The following PRKN variants were observed in gnomAD, a reference collection of about 807,000 sequenced individuals.
PRKN encodes the protein E3 ubiquitin-protein ligase parkin.
In PRKN, 56 loss-of-function variants were observed where a neutral mutation model predicts 59.5. The ratio of observed to expected loss-of-function variants is 0.94; its 90% CI spans 0.76 to 1.18. The LOEUF (loss-of-function observed/expected upper bound fraction) is 1.18, where lower values mean the gene tolerates loss of function less well. Among genes scored for constraint, PRKN ranks in the 50% most tolerant of loss-of-function variants. The pLI, the probability that PRKN is intolerant of heterozygous loss-of-function variation, is 0.00. For missense variants in PRKN, 657 were observed against 596.4 expected, an observed-to-expected ratio of 1.10 and a Z score of -1.06; for synonymous variants, 250 against 222.1, an observed-to-expected ratio of 1.13 and a Z score of -1.12.
chr6:161,477,923 C>T (rs889979434), intron 9 of PRKN, among the ~76,000 whole-genome samples: 1 of 152,086 alleles, frequency 6.6e-6, no homozygotes, highest in African/African-American at 2.4e-5. Flanking sequence ...CAGGAAAGAG[C>T]GGCATGAAAA....
At chr6:161,995,830 G>T (rs1039508022) in intron 5 of PRKN, among the ~76,000 whole-genome samples, 2 of 152,036 alleles carry the variant, frequency 1.3e-5, no homozygotes, top group African/African-American at 4.8e-5. Flanking sequence ...AGCCATTCTG[G>T]AAAACAGTAT....
chr6:162,504,889 T>C (rs1793537609), intron 1 of PRKN, among the ~76,000 whole-genome samples: 1 of 152,070 alleles, frequency 6.6e-6, no homozygotes, highest in Non-Finnish European at 1.5e-5. Context: ...AAGACAGAAC[T>C]AGGCAGGGCA....
intron 1 of PRKN, among the ~76,000 whole-genome samples, chr6:162,675,221 T>C (rs1207251813): frequency 6.6e-6 from 1 of 151,978 alleles, no homozygotes; most frequent in African/African-American, 2.4e-5. Flanking sequence ...GGCTAATTTT[T>C]GTATTTTTAG....
At chr6:162,595,609 T>C (rs1781471109) in intron 1 of PRKN, among the ~76,000 whole-genome samples, 1 of 152,176 alleles carries the variant, frequency 6.6e-6, no homozygotes, top group African/African-American at 2.4e-5. Flanking sequence ...ATTGTTTTTT[T>C]TTAAATATCT....
Position 162,558,223 on chromosome 6 carries a change from A to T in PRKN, c.8-114750T>A, listed in dbSNP as rs567997672. Among the ~76,000 whole-genome samples the T allele has an allele frequency of 9.8e-5, 15 of 152,318 alleles. No homozygotes were observed. The South Asian group carries it at 3.1e-3, about 32-fold the overall frequency. The stretch of plus-strand genomic sequence containing the variant: ...AAGTATATTATCAGGAATCTCAAAG[A>T]AAGTGGCATTCATGTTATAGCCTTC... On this transcript the variant is annotated intron_variant, in intron 1 of 11. Coordinates refer to ENST00000366898, the MANE Select transcript of PRKN (RefSeq NM_004562.3).
chr6:161,985,666 C>T (rs187428723), intron 5 of PRKN, among the ~76,000 whole-genome samples: 6 of 152,264 alleles, frequency 3.9e-5, no homozygotes, highest in South Asian at 2.1e-4. Flanking sequence ...ACAATGTAGA[C>T]GAGCTATGTA....
At chr6:162,073,796 A>G (rs1421311162) in intron 4 of PRKN, among the ~76,000 whole-genome samples, 2 of 152,200 alleles carry the variant, frequency 1.3e-5, no homozygotes, top group African/African-American at 4.8e-5. Flanking sequence ...TTCACTTCCA[A>G]TACAAAAACG....
intron 2 of PRKN, among the ~76,000 whole-genome samples, chr6:162,398,670 G>A (rs1254283572): frequency 3.3e-5 from 5 of 152,230 alleles, no homozygotes; most frequent in East Asian, 1.9e-4. Context: ...GATTACAGGC[G>A]TGAGGCACTC....
intron 1 of PRKN, among the ~76,000 whole-genome samples, chr6:162,506,493 C>T: frequency 6.6e-6 from 1 of 152,054 alleles, no homozygotes; most frequent in Non-Finnish European, 1.5e-5. Context: ...AAGTCTATTT[C>T]ATTATTTGAA....
In PRKN at chr6:162,650,398, C is replaced by A. The variant is rs1778374710; in HGVS notation, c.7+77264G>T. On this transcript the variant is annotated intron_variant, in intron 1 of 11. Coordinates refer to ENST00000366898, the MANE Select transcript of PRKN (RefSeq NM_004562.3). ...GGATCACGAGGTCAGGAGATCGAGA[C>A]CATCCCGGCTAAAAACGGTGAAACC... 2.0e-5 allele frequency among the ~76,000 whole-genome samples: 3 copies of A among 151,680 alleles called. No individual in the cohort carries two copies. In the South Asian group the frequency reaches 6.2e-4, roughly 32 times the overall value.
At chr6:161,669,193 C>T (rs1005801289) in intron 7 of PRKN, among the ~76,000 whole-genome samples, 3 of 152,206 alleles carry the variant, frequency 2.0e-5, no homozygotes, top group African/African-American at 7.2e-5. Flanking sequence ...AATCTGCCAG[C>T]GTCTTGATCT....
At chr6:162,197,365 C>T (rs1367874269) in intron 4 of PRKN, among the ~76,000 whole-genome samples, 1 of 152,056 alleles carries the variant, frequency 6.6e-6, no homozygotes, top group African/African-American at 2.4e-5. Context: ...CTGATCTTCT[C>T]CTATGGACTA....
intron 6 of PRKN, among the ~76,000 whole-genome samples, chr6:161,827,509 C>CTTTT (rs5881438): frequency 5.6e-5 from 7 of 124,926 alleles, no homozygotes; most frequent in South Asian, 2.5e-4. Context: ...ATTGATTTTA[C>CTTTT]TTTTTTTTTT....
At chr6:161,563,052 C>T (rs1173021011) in intron 8 of PRKN, among the ~76,000 whole-genome samples, 1 of 152,052 alleles carries the variant, frequency 6.6e-6, no homozygotes, top group African/African-American at 2.4e-5. Context: ...CTCTTCACCT[C>T]CTTGGGGGCA....
chr6:162,462,074 G>A (rs1791204737), intron 1 of PRKN, among the ~76,000 whole-genome samples: 1 of 152,176 alleles, frequency 6.6e-6, no homozygotes, highest in African/African-American at 2.4e-5. Flanking sequence ...GTAGTGAGCA[G>A]AGAGCAGGCA....
At chr6:162,212,411 T>C in intron 3 of PRKN, among the ~76,000 whole-genome samples, 1 of 128,192 alleles carries the variant, frequency 7.8e-6, no homozygotes, top group East Asian at 2.5e-4. Context: ...AATTAAGAAA[T>C]TGGTGAGATT....
At chr6:162,159,623 G>C (rs562084390) in intron 4 of PRKN, among the ~76,000 whole-genome samples, 1 of 152,048 alleles carries the variant, frequency 6.6e-6, no homozygotes, top group Non-Finnish European at 1.5e-5. Flanking sequence ...TTTCATAAGG[G>C]AATAAAAAGG....
At chr6:161,871,379 A>G (rs1032280942) in intron 6 of PRKN, among the ~76,000 whole-genome samples, 2 of 152,156 alleles carry the variant, frequency 1.3e-5, no homozygotes, top group African/African-American at 4.8e-5. Context: ...TTTGGGGTCT[A>G]CCTGGAAAGG....
chr6:162,094,101 C>CAA (rs1779628095), intron 4 of PRKN, among the ~76,000 whole-genome samples: 1 of 152,142 alleles, frequency 6.6e-6, no homozygotes, highest in Non-Finnish European at 1.5e-5. Context: ...GAGACGAAAA[C>CAA]ACAGACACTG....
Sources: allele counts gnomAD v4.1 joint callset (sites outside exome capture counted in the v4.1 genomes callset), GRCh38; gene constraint gnomAD v4.1.1; transcripts MANE v1.5; gene names NCBI Gene and HGNC (gene_info 2026-07-23, HGNC 2026-07-21).